TPCN1: variants seen among roughly 807,000 people sequenced by gnomAD.
The protein encoded by TPCN1 is two pore channel protein 1.
In TPCN1, 52 loss-of-function variants were observed where a neutral mutation model predicts 108.8. The observed-to-expected ratio is 0.48, with a 90% CI of 0.38 to 0.60. TPCN1 has a LOEUF of 0.60. TPCN1 is among the 20% of genes least tolerant of loss of function. The probability of loss-of-function intolerance (pLI) is 0.00; values close to 1 mark genes in which losing one functional copy is unlikely to be tolerated. For synonymous variants in TPCN1, 446 were observed against 433.7 expected, an observed-to-expected ratio of 1.03 and a Z score of -0.35; for missense variants, 806 against 1,072.8, an observed-to-expected ratio of 0.75 and a Z score of 3.47.
At chr12:113,265,968 C>T (rs1955244362) in intron 3 of TPCN1, among the ~76,000 whole-genome samples, 1 of 152,144 alleles carries the variant, frequency 6.6e-6, no homozygotes, top group Non-Finnish European at 1.5e-5. Flanking sequence ...TTTTAAGAAG[C>T]AGCAAATCTC....
intron 2 of TPCN1, among the ~76,000 whole-genome samples, chr12:113,245,580 G>C (rs374486277): frequency 4.6e-5 from 5 of 108,118 alleles, no homozygotes; most frequent in Non-Finnish European, 8.8e-5. Flanking sequence ...CAGCCTGGGC[G>C]ACAGAGCAAG....
chr12:113,225,460 C>CCTG, intron 1 of TPCN1: 3 of 270,500 alleles, frequency 1.1e-5, no homozygotes, highest in South Asian at 6.5e-5. Context: ...CAGAATTACC[C>CCTG]TTAACTTTTC....
At chr12:113,230,631 C>T (rs746976462) in intron 2 of TPCN1, among the ~76,000 whole-genome samples, 1 of 152,132 alleles carries the variant, frequency 6.6e-6, no homozygotes, top group Non-Finnish European at 1.5e-5. Flanking sequence ...GGCCCTTTCT[C>T]CAAACACAGT....
rs1183173589 is a variant in TPCN1, at chr12:113,288,504, C to T, written c.1707-254C>T. The T allele has an allele frequency of 6.7e-7, 1 of 1,501,230 alleles. No homozygotes were observed. The highest frequency in any genetic ancestry group is 8.9e-7 in the Non-Finnish European group (1 of 1,128,122). The allele number at this position is 1,501,230 out of a possible 1,614,324, so 93.0% of individuals were successfully genotyped here. A position where few individuals can be genotyped will look rare whatever the true frequency, so the allele number is the denominator to read the frequency against. ...GTGTCTACATTCACAGGTAAGGGGT[C>T]ACCTGTGAGTCTACCTTCACAGGTA... On this transcript the variant is annotated intron_variant, in intron 20 of 27. Coordinates refer to ENST00000335509, the MANE Select transcript of TPCN1 (RefSeq NM_017901.6). This position sits in a 1 kb window ranked among gnomAD's most constrained non-coding sequence, Gnocchi z 4.8.
chr12:113,262,408 T>TA lies in TPCN1; in HGVS notation c.237+1935dup, dbSNP rs556927143. 6.5e-3 allele frequency among the ~76,000 whole-genome samples: 664 copies of TA among 102,774 alleles called. 3 individuals carry two copies. Among genetic ancestry groups the TA allele is most frequent in the Middle Eastern group, 0.01 (2 of 198 alleles). The allele number at this position is 102,774 out of a possible 152,430, so 67.4% of individuals were successfully genotyped here. ...CTGGGTGACAAAATGAGACCCTGTC[T>TA]AAAAAAAAAAAAAAAAAAAGATTTA... On this transcript the variant is annotated intron_variant, in intron 3 of 27. Coordinates refer to ENST00000335509, the MANE Select transcript of TPCN1 (RefSeq NM_017901.6).
At chr12:113,241,708 C>T (rs1397577241) in intron 2 of TPCN1, among the ~76,000 whole-genome samples, 2 of 151,918 alleles carry the variant, frequency 1.3e-5, no homozygotes, top group South Asian at 2.1e-4. Flanking sequence ...AACAGATGTT[C>T]GCACAGGTGC....
At chr12:113,239,181 G>T (rs1248965100) in intron 2 of TPCN1, among the ~76,000 whole-genome samples, 1 of 152,104 alleles carries the variant, frequency 6.6e-6, no homozygotes, top group African/African-American at 2.4e-5. Flanking sequence ...ATAGGTGGGA[G>T]GGCTAAGTTT....
chr12:113,228,969 TTAAGTCCC>T (rs1443184436), intron 2 of TPCN1, among the ~76,000 whole-genome samples: 4 of 152,210 alleles, frequency 2.6e-5, no homozygotes, highest in Non-Finnish European at 4.4e-5. Flanking sequence ...AGTGTCACTT[TTAAGTCCC>T]TCCAACGTGC....
chr12:113,270,983 C>T (rs969056241), intron 7 of TPCN1, among the ~76,000 whole-genome samples: 1 of 152,136 alleles, frequency 6.6e-6, no homozygotes. Flanking sequence ...ATACGCCAGG[C>T]ATGGTGTCCC....
At chr12:113,285,759 G>T in intron 17 of TPCN1, 130 bp from the exon 18 acceptor site, 1 of 786,314 alleles carries the variant, frequency 1.3e-6, no homozygotes, top group Middle Eastern at 3.1e-4. Flanking sequence ...ACATGAGTGA[G>T]GCCTGGGCTC....
At position 113,268,620 on chromosome 12, in the gene TPCN1, GGA is replaced by G. The variant is rs1955371143; in HGVS notation, c.529-116_529-115del. ...TGTTGGCAGGAAGTGTGAGAGGGCT[GGA>G]GAGAGGAGAAGGCCTCCCGAGGCCA... On this transcript the variant is annotated intron_variant, in intron 5 of 27. Transcript: ENST00000335509. This position sits in a 1 kb window ranked among gnomAD's most constrained non-coding sequence, Gnocchi z 7.3. 7 of 1,270,762 alleles carry G rather than the reference GGA, an allele frequency of 5.5e-6. No homozygotes were observed. The South Asian group carries it at 9.6e-5, about 18-fold the overall frequency. The allele number at this position is 1,270,762 out of a possible 1,614,324, so 78.7% of individuals were successfully genotyped here. A position where few individuals can be genotyped will look rare whatever the true frequency, so the allele number is the denominator to read the frequency against.
chr12:113,261,779 C>T (rs1441424158), intron 3 of TPCN1, among the ~76,000 whole-genome samples: 2 of 152,114 alleles, frequency 1.3e-5, no homozygotes, highest in African/African-American at 4.8e-5. Context: ...TTTACTTAAC[C>T]TGATAATCTT....
At chr12:113,222,549 A>T (rs1020134074) in intron 1 of TPCN1, among the ~76,000 whole-genome samples, 2 of 152,216 alleles carry the variant, frequency 1.3e-5, no homozygotes, top group Non-Finnish European at 2.9e-5. Context: ...CGATGTCCCC[A>T]TGGGGGCAAA....
rs936745778 is a variant in TPCN1, at chr12:113,273,080, A to ATGTT, written c.784-149_784-146dup. 3 of 733,670 alleles carry ATGTT rather than the reference A, an allele frequency of 4.1e-6. No individual in the cohort carries two copies. The African/African-American group carries it at 5.2e-5, about 13-fold the overall frequency. 45.4% of individuals were successfully genotyped at this position (733,670 alleles called of 1,614,324 possible). On this transcript the variant is annotated intron_variant, in intron 8 of 27. Coordinates refer to ENST00000335509, the MANE Select transcript of TPCN1 (RefSeq NM_017901.6). The surrounding 1 kb of genome is among the most constrained non-coding windows in gnomAD (Gnocchi z 4.0). ...AGGAAAGGGGAGGCCTCTGGACTGC[A>ATGTT]TGTTTGCTCTTTCCTCTGCCTCCCT...
chr12:113,235,022 A>G (rs1953831253), intron 2 of TPCN1, among the ~76,000 whole-genome samples: 1 of 152,194 alleles, frequency 6.6e-6, no homozygotes, highest in South Asian at 2.1e-4. Flanking sequence ...CAAATTAAGG[A>G]AAAGAGTACA....
chr12:113,267,409 T>G (rs1955305324), intron 4 of TPCN1, among the ~76,000 whole-genome samples: 1 of 151,968 alleles, frequency 6.6e-6, no homozygotes, highest in African/African-American at 2.4e-5. Context: ...CTTACTTTTT[T>G]TTTTTTTGAG....
rs1398720651 is a variant in TPCN1, at chr12:113,297,651, T to TA, written c.*1578dup. The stretch of plus-strand genomic sequence containing the variant: ...TGGACAAGTAGCAGGTGTTTGTTTT[T>TA]AAAGCACAGCCCTTTGGGAAAGCAA... On this transcript the variant is annotated 3_prime_UTR_variant, in exon 28 of 28. Coordinates refer to ENST00000335509, the MANE Select transcript of TPCN1 (RefSeq NM_017901.6). This position sits in a 1 kb window ranked among gnomAD's most constrained non-coding sequence, Gnocchi z 4.4. The TA allele has an allele frequency of 6.6e-6, 1 of 152,628 alleles. No individual in the cohort carries two copies. The highest frequency in any genetic ancestry group is 1.5e-5 in the Non-Finnish European group (1 of 68,092). The allele number at this position is 152,628 out of a possible 1,614,324, so 9.5% of individuals were successfully genotyped here.
Position 113,272,673 on chromosome 12 carries a change from C to T in TPCN1, c.764C>T (p.Ser255Phe), listed in dbSNP as rs1467717902. ...CCACTTCTAGGTTTCTACTTGTTCT[C>T]CCCTAACCCTTCAGACCCCGTAAGT... ...IFAILGFYLFSPNPSDPYFST... is the reference protein window; with the variant it reads ...IFAILGFYLFFPNPSDPYFST... Residue 255 changes from serine (S) to phenylalanine (F), a missense_variant, in exon 8 of 28, where the codon TCC (serine) becomes TTC (phenylalanine). Transcript: ENST00000335509. The surrounding 1 kb of genome is among the most constrained non-coding windows in gnomAD (Gnocchi z 4.1). 7 of 1,613,996 alleles carry T rather than the reference C, an allele frequency of 4.3e-6. No homozygotes were observed. Among genetic ancestry groups the T allele is most frequent in the Non-Finnish European group, 5.9e-6 (7 of 1,179,844 alleles).
At position 113,296,214 on chromosome 12, in the gene TPCN1, A is replaced by C; in HGVS notation, c.*138A>C. ...TACAGGAAGAAAAAAGACAGACAAG[A>C]TGGGGCTTGGTTTATAACCACCTTG... On this transcript the variant is annotated 3_prime_UTR_variant, in exon 28 of 28. Coordinates refer to ENST00000335509, the MANE Select transcript of TPCN1 (RefSeq NM_017901.6). 1 of 1,343,386 alleles carries C rather than the reference A, an allele frequency of 7.4e-7. No homozygotes were observed. 83.2% of individuals were successfully genotyped at this position (1,343,386 alleles called of 1,614,324 possible).
Sources: allele counts gnomAD v4.1 joint callset (sites outside exome capture counted in the v4.1 genomes callset), GRCh38; gene constraint gnomAD v4.1.1; non-coding constraint Gnocchi (gnomAD v3.1); transcripts MANE v1.5; gene names NCBI Gene and HGNC (gene_info 2026-07-23, HGNC 2026-07-21).